Variants in MED18 observed in about 807,000 individuals in gnomAD.
MED18 encodes mediator of RNA polymerase II transcription subunit 18.
MED18 carries 10 observed loss-of-function variants against 13.9 expected under a neutral mutation model. The ratio of observed to expected loss-of-function variants is 0.72; its 90% CI spans 0.44 to 1.22. MED18 has a LOEUF of 1.22. Among genes scored for constraint, MED18 ranks in the 50% most tolerant of loss-of-function variants. MED18 has a pLI of 0.00. For synonymous variants in MED18, 88 were observed against 93.2 expected (o/e 0.94, Z 0.32); for missense variants, 216 against 279.0 (o/e 0.77, Z 1.61).
intron 2 of MED18, among the ~76,000 whole-genome samples, chr1:28,331,874 G>A (rs146481618): frequency 0.011 from 1,630 of 152,138 alleles, 10 homozygotes; most frequent in Non-Finnish European, 0.017. Flanking sequence ...CTCCTGAGTA[G>A]CGGGATTACA....
At chr1:28,332,478 C>G (rs971386926) in intron 2 of MED18, among the ~76,000 whole-genome samples, 1 of 151,380 alleles carries the variant, frequency 6.6e-6, no homozygotes, top group Non-Finnish European at 1.5e-5. Flanking sequence ...AGGACACATA[C>G]TATTTTATTA....
In MED18 at chr1:28,335,209, T is replaced by C. The variant is rs1649902671; in HGVS notation, c.*239T>C. 2 of 438,506 alleles carry C rather than the reference T, an allele frequency of 4.6e-6. No homozygotes were observed. Among genetic ancestry groups the C allele is most frequent in the South Asian group, 2.9e-5 (1 of 34,074 alleles). 27.2% of individuals were successfully genotyped at this position (438,506 alleles called of 1,614,324 possible). On this transcript the variant is annotated 3_prime_UTR_variant, in exon 3 of 3. Transcript: ENST00000373842. ...GGCACATGCCACCATGCTCAGCTAA[T>C]TTTTGTATTTTTAGTAGAAATGGGG...
At chr1:28,331,102 G>T (rs1366382330) in intron 2 of MED18, among the ~76,000 whole-genome samples, 1 of 151,396 alleles carries the variant, frequency 6.6e-6, no homozygotes, top group Admixed American at 6.6e-5. Context: ...GCTGAGGCAG[G>T]AGAATGGTGT....
Position 28,335,759 on chromosome 1 carries a change from T to C in MED18, c.*789T>C, listed in dbSNP as rs1234481515. The C allele has an allele frequency of 1.3e-5, 2 of 151,918 alleles. No homozygotes were observed. Among genetic ancestry groups the C allele is most frequent in the Non-Finnish European group, 2.9e-5 (2 of 68,004 alleles). The allele number at this position is 151,918 out of a possible 1,614,324, so 9.4% of individuals were successfully genotyped here. ...ATCGCTTGAACCCAGGAGGTGAAGG[T>C]TGCAGTGACCAGAGATGACGCCATT... On this transcript the variant is annotated 3_prime_UTR_variant, in exon 3 of 3. Coordinates refer to ENST00000373842, the MANE Select transcript of MED18 (RefSeq NM_017638.3).
Position 28,331,142 on chromosome 1 carries a change from C to T in MED18, c.73+407C>T, listed in dbSNP as rs1222250416. ...CTGGGAGGCAGAGGTTGCAGTGAGC[C>T]GAGATCGCGCCACTGCACTCCAGCC... On this transcript the variant is annotated intron_variant, in intron 2 of 2. Coordinates refer to ENST00000373842, the MANE Select transcript of MED18 (RefSeq NM_017638.3). 6.7e-5 allele frequency among the ~76,000 whole-genome samples: 10 copies of T among 149,730 alleles called. No individual in the cohort carries two copies. The South Asian group carries it at 1.7e-3, about 26-fold the overall frequency.
chr1:28,331,097 G>A (rs1340564696), intron 2 of MED18, among the ~76,000 whole-genome samples: 1 of 151,704 alleles, frequency 6.6e-6, no homozygotes, highest in East Asian at 2.0e-4. Flanking sequence ...AGGAGGCTGA[G>A]GCAGGAGAAT....
At chr1:28,330,483 A>AGGAAATACTCAAACGTTTTT in intron 1 of MED18, 114 bp from the exon 2 acceptor site, 1 of 473,716 alleles carries the variant, frequency 2.1e-6, no homozygotes, top group South Asian at 2.4e-5. Flanking sequence ...TGGCCATATA[A>AGGAAATACTCAAACGTTTTT]GGAAATACTC....
rs981061500 is a variant in MED18 at position 28,334,760 on chromosome 1, C to T, written c.417C>T (p.Gly139=). 6.2e-7 allele frequency: 1 copy of T among 1,614,172 alleles called. No individual in the cohort carries two copies. Among genetic ancestry groups the T allele is most frequent in the Non-Finnish European group, 8.5e-7 (1 of 1,180,044 alleles). ...FVAKGHLFRK[G]IMKIMVYKIF... Reference sequence around the variant, plus strand: ...CTAAGGGACATTTGTTCCGTAAGGGCATCATGAAGATTATGGTGTACAAGA... The same window carrying T: ...CTAAGGGACATTTGTTCCGTAAGGGTATCATGAAGATTATGGTGTACAAGA... Residue 139 remains glycine (G), a synonymous_variant, in exon 3 of 3, where the codon GGC becomes GGT. Coordinates refer to ENST00000373842, the MANE Select transcript of MED18 (RefSeq NM_017638.3).
rs534194020 is a variant in MED18, at chr1:28,330,695, C to G, written c.33C>G (p.Val11=). 3 of 1,604,708 alleles carry G rather than the reference C, an allele frequency of 1.9e-6. No homozygotes were observed. Among genetic ancestry groups the G allele is most frequent in the South Asian group, 2.2e-5 (2 of 89,260 alleles). ...CACCTCCAGTCACCATGATGCCTGT[C>G]ACTGGGGGCACCATTAACATGATGG... MEAPPVTMMP[V]TGGTINMMEY... is the part of the protein sequence containing the mutation. The change falls in exon 2 of 3, where the codon GTC becomes GTG. Residue 11 remains valine, a synonymous_variant. Coordinates refer to ENST00000373842, the MANE Select transcript of MED18 (RefSeq NM_017638.3).
At chr1:28,330,959 G>A (rs1269380540) in intron 2 of MED18, among the ~76,000 whole-genome samples, 3 of 152,112 alleles carry the variant, frequency 2.0e-5, no homozygotes, top group East Asian at 3.9e-4. Context: ...TTGGGAGGCC[G>A]AGGTGGGCGG....
Position 28,334,748 on chromosome 1 carries a change from G to A in MED18, c.405G>A (p.Leu135=), listed in dbSNP as rs201157395. The change falls in exon 3 of 3, where the codon TTG becomes TTA. Residue 135 remains leucine (L), a synonymous_variant. Transcript: ENST00000373842. Reference sequence around the variant, plus strand: ...ATGAGTTTGTTGCTAAGGGACATTTGTTCCGTAAGGGCATCATGAAGATTA... The same window carrying A: ...ATGAGTTTGTTGCTAAGGGACATTTATTCCGTAAGGGCATCATGAAGATTA... The part of the protein sequence containing the change: ...MDHEFVAKGH[L]FRKGIMKIMV... The A allele has an allele frequency of 6.2e-7, 1 of 1,614,214 alleles. No individual in the cohort carries two copies. Among genetic ancestry groups the A allele is most frequent in the Non-Finnish European group, 8.5e-7 (1 of 1,180,042 alleles).
intron 2 of MED18, among the ~76,000 whole-genome samples, chr1:28,332,281 C>T (rs751963637): frequency 2.0e-5 from 3 of 151,696 alleles, no homozygotes; most frequent in Non-Finnish European, 4.4e-5. Context: ...CATGGTGGTG[C>T]GCACCTGTAG....
chr1:28,334,192 G>A (rs1397189332), intron 2 of MED18, among the ~76,000 whole-genome samples: 1 of 152,158 alleles, frequency 6.6e-6, no homozygotes, highest in Non-Finnish European at 1.5e-5. Context: ...ACTTTGTAGT[G>A]CTAAATAAGA....
chr1:28,334,827 G>T lies in MED18; in HGVS notation c.484G>T (p.Ala162Ser). The T allele has an allele frequency of 1.1e-5, 17 of 1,614,094 alleles. No individual in the cohort carries two copies. The highest frequency in any genetic ancestry group is 1.4e-5 in the Non-Finnish European group (17 of 1,180,024). ...LVPGNTDSTE[A>S]LSLSYLVELS... ...GCCAGGGAACACAGACAGCACTGAG[G>T]CCTTGTCACTCTCCTATCTCGTGGA... The change falls in exon 3 of 3, where the codon GCC (alanine) becomes TCC (serine). Residue 162 changes from alanine (A) to serine (S), a missense_variant. Coordinates refer to ENST00000373842, the MANE Select transcript of MED18 (RefSeq NM_017638.3).
In MED18 at chr1:28,335,092, A is replaced by T; in HGVS notation, c.*122A>T. 1 of 947,984 alleles carries T rather than the reference A, an allele frequency of 1.1e-6. No individual in the cohort carries two copies. The highest frequency in any genetic ancestry group is 1.5e-6 in the Non-Finnish European group (1 of 648,288). 58.7% of individuals were successfully genotyped at this position (947,984 alleles called of 1,614,324 possible). A position where few individuals can be genotyped will look rare whatever the true frequency, so the allele number is the denominator to read the frequency against. On this transcript the variant is annotated 3_prime_UTR_variant, in exon 3 of 3. Transcript: ENST00000373842. ...AGTCTCGCTTTGTTTCCCAGGCTGG[A>T]GTGCAGTGGCACGATCTCGGCTCAC...
Position 28,334,978 on chromosome 1 carries a change from G to T in MED18, c.*8G>T. On this transcript the variant is annotated 3_prime_UTR_variant, in exon 3 of 3. Transcript: ENST00000373842. ...CCCAAGAGGCTCATGTGACTAAGAG[G>T]ATCTGTCCACATTTGGGGCCTATCC... is the stretch of plus-strand genomic sequence containing the variant. The T allele has an allele frequency of 1.2e-6, 2 of 1,603,802 alleles. No individual in the cohort carries two copies. Among genetic ancestry groups the T allele is most frequent in the South Asian group, 2.2e-5 (2 of 90,692 alleles).
chr1:28,330,380 T>C (rs1446968476), intron 1 of MED18: 4 of 289,272 alleles, frequency 1.4e-5, no homozygotes, highest in Non-Finnish European at 2.6e-5. Context: ...GCACAGGTAA[T>C]GTGGAGGTTT....
rs753544477 is a variant in MED18, at chr1:28,334,573, A to G, written c.230A>G (p.Asp77Gly). Residue 77 changes from aspartate (D) to glycine (G), a missense_variant, in exon 3 of 3, where the codon GAC (aspartate) becomes GGC (glycine). Coordinates refer to ENST00000373842, the MANE Select transcript of MED18 (RefSeq NM_017638.3). Reference protein sequence around the residue: ...PFVLRARRSMDRAGAPWHLRY... With the variant: ...PFVLRARRSMGRAGAPWHLRY... ...GTTCTCAGGGCCCGACGCTCTATGGACAGGGCAGGGGCACCCTGGCATCTG... is the reference window on the plus strand; with the variant it reads ...GTTCTCAGGGCCCGACGCTCTATGGGCAGGGCAGGGGCACCCTGGCATCTG... 1 of 1,614,190 alleles carries G rather than the reference A, an allele frequency of 6.2e-7. No individual in the cohort carries two copies. The highest frequency in any genetic ancestry group is 8.5e-7 in the Non-Finnish European group (1 of 1,180,032).
intron 2 of MED18, 125 bp downstream of exon 2, chr1:28,330,860 TA>T: frequency 1.5e-6 from 1 of 650,256 alleles, no homozygotes. Flanking sequence ...TTTTAACTGT[TA>T]CTTTAAATTA....
Sources: allele counts gnomAD v4.1 joint callset (sites outside exome capture counted in the v4.1 genomes callset), GRCh38; gene constraint gnomAD v4.1.1; transcripts MANE v1.5; gene names NCBI Gene and HGNC (gene_info 2026-07-23, HGNC 2026-07-21).